The following CA9 variants were observed in gnomAD, a reference collection of about 807,000 sequenced individuals.
CA9 encodes CA-IX.
CA9 carries 43 observed loss-of-function variants against 51.8 expected under a neutral mutation model. The observed-to-expected ratio is 0.83, with a 90% confidence interval of 0.65 to 1.07. CA9 has a LOEUF of 1.07. Ranked by LOEUF, CA9 falls within the 50% of genes least tolerant of loss-of-function variation. CA9 has a pLI of 0.00. For missense variants in CA9, 574 were observed against 581.4 expected (o/e 0.99, Z 0.13); for synonymous variants, 253 against 244.2 (o/e 1.04, Z -0.34).
chr9:35,680,607 C>T (rs1055896135), intron 9 of CA9, 146 bp from the exon 10 acceptor site: 2 of 662,310 alleles, frequency 3.0e-6, no homozygotes, highest in Non-Finnish European at 5.3e-6. Context: ...ACCCTCATCC[C>T]TTGGCTGGCC....
intron 1 of CA9, 139 bp from the exon 2 acceptor site, chr9:35,675,399 G>C: frequency 1.1e-6 from 1 of 907,216 alleles, no homozygotes; most frequent in East Asian, 2.5e-5. Context: ...GCGGTCTCCT[G>C]TGCTTTGCAC....
In CA9 at chr9:35,675,928, A is replaced by AG; in HGVS notation, c.602dup (p.Ser201ArgfsTer63). ...ACTGCGCCTGCGCAACAATGGCCAC[A>AG]GTGGTGAGGGGGTCTCCCCGCCGAG... On this transcript the variant is annotated frameshift_variant, in exon 3 of 11. Transcript: ENST00000378357. LOFTEE classifies it high-confidence loss of function. 6.2e-7 allele frequency: 1 copy of AG among 1,603,796 alleles called. No individual in the cohort carries two copies. Among genetic ancestry groups the AG allele is most frequent in the East Asian group, 2.2e-5 (1 of 44,790 alleles).
intron 7 of CA9, among the ~76,000 whole-genome samples, 161 bp downstream of exon 7, chr9:35,679,503 G>A (rs1257430433): frequency 6.6e-6 from 1 of 152,124 alleles, no homozygotes; most frequent in Non-Finnish European, 1.5e-5. Context: ...TTGAGCCCAG[G>A]AGTTCAAGAC....
In CA9 at chr9:35,680,137, C is replaced by T. The variant is rs762875688; in HGVS notation, c.1235C>T (p.Ala412Val). ...EPVQLNSCLAAGDILALVFGL... is the reference protein window; with the variant it reads ...EPVQLNSCLAVGDILALVFGL... ...GTCCAGCTGAATTCCTGCCTGGCTGCTGGTGAGTCTGCCCCTCCTCTTGGT... is the reference window on the plus strand; with the variant it reads ...GTCCAGCTGAATTCCTGCCTGGCTGTTGGTGAGTCTGCCCCTCCTCTTGGT... Residue 412 changes from alanine (A) to valine (V), a missense_variant and splice_region_variant, in exon 9 of 11, where the codon GCT becomes GTT. By Grantham distance (64) the Ala-to-Val change is moderately conservative. Coordinates refer to ENST00000378357, the MANE Select transcript of CA9 (RefSeq NM_001216.3). 1.9e-6 allele frequency: 3 copies of T among 1,614,226 alleles called. No individual in the cohort carries two copies. The highest frequency in any genetic ancestry group is 3.3e-5 in the Admixed American group (2 of 60,024).
At chr9:35,677,215 A>G (rs1824440640) in intron 5 of CA9, among the ~76,000 whole-genome samples, 1 of 152,174 alleles carries the variant, frequency 6.6e-6, no homozygotes, top group African/African-American at 2.4e-5. Context: ...CCTCCATCAT[A>G]GCATGTCAAT....
chr9:35,678,242 A>G (rs373469598), intron 6 of CA9, among the ~76,000 whole-genome samples: 1 of 150,224 alleles, frequency 6.7e-6, no homozygotes, highest in South Asian at 2.2e-4. Context: ...GCTACTCGGG[A>G]GGCTGAGGCA....
Position 35,675,947 on chromosome 9 carries a change from C to T in CA9, c.604+16C>T. On this transcript the variant is annotated intron_variant, in intron 3 of 10. Coordinates refer to ENST00000378357, the MANE Select transcript of CA9 (RefSeq NM_001216.3). ...GGCCACAGTGGTGAGGGGGTCTCCC[C>T]GCCGAGACTTGGGGATGGGGCGGGG... 3 of 1,599,668 alleles carry T rather than the reference C, an allele frequency of 1.9e-6. No homozygotes were observed. Among genetic ancestry groups the T allele is most frequent in the East Asian group, 2.2e-5 (1 of 44,654 alleles).
At chr9:35,676,008 G>C in intron 3 of CA9, 56 bp from the exon 4 acceptor site, 2 of 1,604,826 alleles carry the variant, frequency 1.2e-6, no homozygotes, top group Non-Finnish European at 8.5e-7. Flanking sequence ...GTGCCTGCCC[G>C]GGGGTTGGGC....
intron 1 of CA9, chr9:35,675,233 A>T (rs531279124): frequency 1.5e-4 from 63 of 426,986 alleles, no homozygotes; most frequent in Non-Finnish European, 2.6e-4. Flanking sequence ...ATCTCAGGTG[A>T]TCCAACCACC....
intron 1 of CA9, 124 bp downstream of exon 1, chr9:35,674,486 C>A: frequency 1.2e-6 from 1 of 835,196 alleles, no homozygotes; most frequent in Non-Finnish European, 1.9e-6. Flanking sequence ...GAAGCCCTTC[C>A]AGAGGTCCCA....
At position 35,674,080 on chromosome 9, in the gene CA9, C is replaced by G; in HGVS notation, c.121C>G (p.Pro41Ala). The G allele has an allele frequency of 6.2e-7, 1 of 1,614,178 alleles. No homozygotes were observed. Among genetic ancestry groups the G allele is most frequent in the Non-Finnish European group, 8.5e-7 (1 of 1,180,014 alleles). Residue 41 changes from proline (P) to alanine (A), a missense_variant, in exon 1 of 11, where the codon CCC (proline) becomes GCC (alanine). Coordinates refer to ENST00000378357, the MANE Select transcript of CA9 (RefSeq NM_001216.3). The stretch of plus-strand genomic sequence containing the variant: ...GGTGCCTGTCCATCCCCAGAGGTTG[C>G]CCCGGATGCAGGAGGATTCCCCCTT... ...LLVPVHPQRLPRMQEDSPLGG... is the reference protein window; with the variant it reads ...LLVPVHPQRLARMQEDSPLGG...
Position 35,675,558 on chromosome 9 carries a change from C to T in CA9, c.424C>T (p.Arg142Cys), listed in dbSNP as rs747981104. 6.2e-7 allele frequency: 1 copy of T among 1,614,090 alleles called. No homozygotes were observed. The highest frequency in any genetic ancestry group is 2.2e-5 in the East Asian group (1 of 44,876). ...TACAGGGGATGACCAGAGTCATTGG[C>T]GCTATGGAGGTGAGACACCCACCCG... is the stretch of plus-strand genomic sequence containing the variant. ...DKEGDDQSHW[R>C]YGGDPPWPRV... Residue 142 changes from arginine to cysteine, a missense_variant, in exon 2 of 11, where the codon CGC becomes TGC. Physicochemically the swap from Arg to Cys is radical, Grantham distance 180. Coordinates refer to ENST00000378357, the MANE Select transcript of CA9 (RefSeq NM_001216.3).
Position 35,680,105 on chromosome 9 carries a change from C to G in CA9, c.1211-8C>G, listed in dbSNP as rs1309782315. ...AGCCCGCCTCTCACATCTCCTTTTT[C>G]TCTCCAGTCCAGCTGAATTCCTGCC... On this transcript the variant is annotated splice_polypyrimidine_tract_variant and splice_region_variant and intron_variant, in intron 8 of 10. Coordinates refer to ENST00000378357, the MANE Select transcript of CA9 (RefSeq NM_001216.3). 6 of 1,614,212 alleles carry G rather than the reference C, an allele frequency of 3.7e-6. No individual in the cohort carries two copies. Among genetic ancestry groups the G allele is most frequent in the African/African-American group, 1.3e-5 (1 of 75,048 alleles).
rs912676212 is a variant in CA9 at position 35,674,097 on chromosome 9, T to A, written c.138T>A (p.Asp46Glu). 1.2e-6 allele frequency: 2 copies of A among 1,614,128 alleles called. No individual in the cohort carries two copies. The highest frequency in any genetic ancestry group is 4.5e-5 in the East Asian group (2 of 44,880). Reference sequence around the variant, plus strand: ...AGAGGTTGCCCCGGATGCAGGAGGATTCCCCCTTGGGAGGAGGCTCTTCTG... The same window carrying A: ...AGAGGTTGCCCCGGATGCAGGAGGAATCCCCCTTGGGAGGAGGCTCTTCTG... ...HPQRLPRMQE[D>E]SPLGGGSSGE... The change falls in exon 1 of 11, where the codon GAT (aspartate) becomes GAA (glutamate). Residue 46 changes from aspartate to glutamate, a missense_variant. Asp to Glu is a conservative substitution (Grantham distance 45). Coordinates refer to ENST00000378357, the MANE Select transcript of CA9 (RefSeq NM_001216.3).
rs758461028 is a variant in CA9 at position 35,675,922 on chromosome 9, G to C, written c.595G>C (p.Gly199Arg). The C allele has an allele frequency of 6.9e-6, 11 of 1,605,794 alleles. No homozygotes were observed. In the East Asian group the frequency reaches 2.2e-4, roughly 33 times the overall value. ...CCCAGAACTGCGCCTGCGCAACAAT[G>C]GCCACAGTGGTGAGGGGGTCTCCCC... ...PLPELRLRNNGHSVQLTLPPG... is the reference protein window; with the variant it reads ...PLPELRLRNNRHSVQLTLPPG... The change falls in exon 3 of 11, where the codon GGC (glycine) becomes CGC (arginine). Residue 199 changes from glycine to arginine, a missense_variant. Gly to Arg is a moderately radical substitution (Grantham distance 125). Coordinates refer to ENST00000378357, the MANE Select transcript of CA9 (RefSeq NM_001216.3).
In CA9 at chr9:35,679,296, T is replaced by A; in HGVS notation, c.1019T>A (p.Val340Asp). ...SLTTPPCAQG[V>D]IWTVFNQTVM... Reference sequence around the variant, plus strand: ...ACTACACCGCCCTGTGCCCAGGGTGTCATCTGGACTGTGTTTAACCAGACA... The same window carrying A: ...ACTACACCGCCCTGTGCCCAGGGTGACATCTGGACTGTGTTTAACCAGACA... Residue 340 changes from valine to aspartate, a missense_variant, in exon 7 of 11, where the codon GTC becomes GAC. By Grantham distance (152) the Val-to-Asp change is radical. Coordinates refer to ENST00000378357, the MANE Select transcript of CA9 (RefSeq NM_001216.3). 3 of 1,614,118 alleles carry A rather than the reference T, an allele frequency of 1.9e-6. No homozygotes were observed. The highest frequency in any genetic ancestry group is 2.5e-6 in the Non-Finnish European group (3 of 1,180,024).
intron 8 of CA9, 40 bp downstream of exon 8, chr9:35,680,038 T>C: frequency 6.2e-7 from 1 of 1,614,158 alleles, no homozygotes; most frequent in Non-Finnish European, 8.5e-7. Flanking sequence ...AGTAGTCCCT[T>C]ATCCTCCCAT....
At chr9:35,675,971 G>T (rs953593207) in intron 3 of CA9, 40 bp downstream of exon 3, 1 of 1,600,880 alleles carries the variant, frequency 6.2e-7, no homozygotes, top group Non-Finnish European at 8.5e-7. Context: ...GATGGGGCGG[G>T]GCGCAGGGAA....
intron 3 of CA9, 44 bp from the exon 4 acceptor site, chr9:35,676,020 G>C (rs761618983): frequency 1.9e-6 from 3 of 1,608,350 alleles, no homozygotes; most frequent in Non-Finnish European, 2.5e-6. Context: ...GGGTTGGGCT[G>C]GCCCTACCGG....
Sources: gnomAD v4.1 joint callset for allele counts (sites outside exome capture counted in the v4.1 genomes callset) on GRCh38, gnomAD v4.1.1 for gene constraint, MANE v1.5 for transcripts, NCBI Gene and HGNC (gene_info 2026-07-23, HGNC 2026-07-21) for gene names.